Variants in NPNT observed in about 807,000 individuals in gnomAD.
NPNT encodes preosteoblast EGF-like repeat protein with MAM domain.
A neutral mutation model predicts 68.6 loss-of-function variants in NPNT; 45 were observed. That is an observed-to-expected ratio of 0.66 (90% confidence interval 0.52 to 0.84). The LOEUF is 0.84. Ranked by LOEUF, NPNT falls within the 40% of genes least tolerant of loss-of-function variation. The pLI, the probability that NPNT is intolerant of heterozygous loss-of-function variation, is 0.00. For missense variants in NPNT, 672 were observed against 714.8 expected (o/e 0.94, Z 0.68); for synonymous variants, 233 against 253.3 (o/e 0.92, Z 0.76).
chr4:105,904,121 A>G (rs184135825), intron 2 of NPNT, among the ~76,000 whole-genome samples: 1 of 152,128 alleles, frequency 6.6e-6, no homozygotes, highest in African/African-American at 2.4e-5. Flanking sequence ...ATTCCATTGT[A>G]TGGCTATACT....
At chr4:105,943,698 T>C (rs914565664) in intron 8 of NPNT, among the ~76,000 whole-genome samples, 6 of 152,226 alleles carry the variant, frequency 3.9e-5, no homozygotes, top group Non-Finnish European at 8.8e-5. Context: ...TTAATTACCT[T>C]TGCATTCACT....
chr4:105,920,409 A>C (rs989934716), intron 2 of NPNT, among the ~76,000 whole-genome samples: 3 of 151,318 alleles, frequency 2.0e-5, no homozygotes, highest in Non-Finnish European at 4.4e-5. Flanking sequence ...AAAAAAAAAA[A>C]AAAAAAAAAA....
chr4:105,933,482 T>C lies in NPNT; in HGVS notation c.266-3527T>C, dbSNP rs190664255. ...CTCTGCTGAGAAGAAATTTGATGCA[T>C]TTGTATATTTTCTACACAAGGAATT... On this transcript the variant is annotated intron_variant, in intron 3 of 11. Transcript: ENST00000379987. Among the ~76,000 whole-genome samples the C allele has an allele frequency of 3.4e-3, 518 of 152,302 alleles. 3 individuals are homozygous for C. Among genetic ancestry groups the C allele is most frequent in the Middle Eastern group, 6.8e-3 (2 of 294 alleles).
In NPNT at chr4:105,942,669, A is replaced by T; in HGVS notation, c.1126A>T (p.Thr376Ser). 6.2e-7 allele frequency: 1 copy of T among 1,612,898 alleles called. No homozygotes were observed. Among genetic ancestry groups the T allele is most frequent in the Non-Finnish European group, 8.5e-7 (1 of 1,179,484 alleles). Reference protein sequence around the residue: ...GGITVDNRVQTDPQKPRGDVF... With the variant: ...GGITVDNRVQSDPQKPRGDVF... The stretch of plus-strand genomic sequence containing the variant: ...GATTACAGTTGACAACAGGGTACAG[A>T]CAGACCCTCAGAAACCCAGAGGAGA... Residue 376 changes from threonine to serine, a missense_variant, in exon 8 of 12, where the codon ACA becomes TCA. Thr to Ser is a moderately conservative substitution (Grantham distance 58, BLOSUM62 1). Transcript: ENST00000379987.
At chr4:105,914,409 T>TTATATATTATAATA (rs1247241711) in intron 2 of NPNT, among the ~76,000 whole-genome samples, 1 of 137,482 alleles carries the variant, frequency 7.3e-6, no homozygotes, top group Non-Finnish European at 1.5e-5. Context: ...ATAATATATA[T>TTATATATTATAATA]TATATATTAT....
chr4:105,950,132 A>G (rs1302812946), intron 8 of NPNT, among the ~76,000 whole-genome samples: 2 of 152,214 alleles, frequency 1.3e-5, no homozygotes, highest in African/African-American at 4.8e-5. Flanking sequence ...TTAAAAATTC[A>G]TTGAAGGTTT....
intron 2 of NPNT, among the ~76,000 whole-genome samples, chr4:105,923,241 G>A (rs1347835685): frequency 6.6e-6 from 1 of 152,076 alleles, no homozygotes; most frequent in Non-Finnish European, 1.5e-5. Context: ...TTATACAGAG[G>A]TTGGGAATTA....
chr4:105,937,607 C>T (rs1392379116), intron 4 of NPNT, among the ~76,000 whole-genome samples: 1 of 151,648 alleles, frequency 6.6e-6, no homozygotes. Context: ...ATTTTAGACT[C>T]TAATAATAGT....
At chr4:105,896,031 G>A in intron 1 of NPNT, 1 of 421,794 alleles carries the variant, frequency 2.4e-6, no homozygotes, top group Non-Finnish European at 4.3e-6. Context: ...CTCTGAGGGC[G>A]CGGTTTAGCC....
At chr4:105,917,471 C>A (rs1026904077) in intron 2 of NPNT, among the ~76,000 whole-genome samples, 4 of 152,056 alleles carry the variant, frequency 2.6e-5, no homozygotes, top group Non-Finnish European at 4.4e-5. Flanking sequence ...GGAGACTGTA[C>A]ACTACAGAGC....
chr4:105,898,132 T>C (rs1726031901), intron 2 of NPNT, 131 bp downstream of exon 2: 3 of 598,294 alleles, frequency 5.0e-6, no homozygotes, highest in Non-Finnish European at 8.8e-6. Context: ...CTTGGGGATT[T>C]TCAGGTACAG....
chr4:105,921,164 G>A (rs1483314030), intron 2 of NPNT, among the ~76,000 whole-genome samples: 1 of 152,080 alleles, frequency 6.6e-6, no homozygotes, highest in Non-Finnish European at 1.5e-5. Flanking sequence ...ATACTTTTAT[G>A]TTTTTAATCA....
chr4:105,958,869 A>G (rs1731453659), intron 9 of NPNT, 159 bp from the exon 10 acceptor site: 1 of 602,254 alleles, frequency 1.7e-6, no homozygotes, highest in Non-Finnish European at 3.0e-6. Flanking sequence ...TTGTGCTGAG[A>G]AAAGATTAAT....
Position 105,942,713 on chromosome 4 carries a change from T to C in NPNT, c.1159+11T>C, listed in dbSNP as rs1415301545. 3.8e-6 allele frequency: 6 copies of C among 1,588,102 alleles called. No homozygotes were observed. The East Asian group carries it at 1.1e-4, about 30-fold the overall frequency. ...GAGGAGATGTGTTCAGTAAGTCTAA[T>C]AAATGTTAGCACATTTTCAATAGGC... is the stretch of plus-strand genomic sequence containing the variant. On this transcript the variant is annotated intron_variant, in intron 8 of 11. Transcript: ENST00000379987.
At chr4:105,940,405 G>T (rs1729841596) in intron 6 of NPNT, 109 bp from the exon 7 acceptor site, 1 of 1,142,478 alleles carries the variant, frequency 8.8e-7, no homozygotes, top group Admixed American at 2.1e-5. Flanking sequence ...CCAATATTAT[G>T]TAGATCATCA....
intron 8 of NPNT, among the ~76,000 whole-genome samples, chr4:105,951,747 A>C (rs961628325): frequency 7.9e-5 from 12 of 152,246 alleles, no homozygotes; most frequent in African/African-American, 2.9e-4. Context: ...ATTAGATCCT[A>C]TGGTAGCTAG....
Position 105,927,367 on chromosome 4 carries a change from A to G in NPNT, c.204A>G (p.Glu68=), listed in dbSNP as rs35253385. 18,592 of 1,612,884 alleles carry G rather than the reference A, an allele frequency of 0.012. 126 individuals carry two copies. Among genetic ancestry groups the G allele is most frequent in the Middle Eastern group, 0.025 (154 of 6,056 alleles). Residue 68 remains glutamate, a synonymous_variant, in exon 3 of 12, where the codon GAA becomes GAG. Transcript: ENST00000379987. ...GCCAACCACGATGCAAACATGGTGA[A>G]TGTATCGGGCCAAACAAGTGCAAGT... ...PVCQPRCKHG[E]CIGPNKCKCH... is the part of the protein sequence containing the mutation.
At chr4:105,964,326 T>C (rs1475504642) in intron 10 of NPNT, among the ~76,000 whole-genome samples, 1 of 152,224 alleles carries the variant, frequency 6.6e-6, no homozygotes, top group Non-Finnish European at 1.5e-5. Context: ...TTCAAGACTT[T>C]AGGTAGTTCA....
intron 5 of NPNT, 58 bp downstream of exon 5, chr4:105,938,478 T>G: frequency 6.4e-7 from 1 of 1,566,810 alleles, no homozygotes; most frequent in Admixed American, 1.8e-5. Flanking sequence ...AGGGAGAAAG[T>G]GAAAGGTGAT....
Sources: gnomAD v4.1 joint callset for allele counts (sites outside exome capture counted in the v4.1 genomes callset) on GRCh38, gnomAD v4.1.1 for gene constraint, MANE v1.5 for transcripts, NCBI Gene and HGNC (gene_info 2026-07-23, HGNC 2026-07-21) for gene names.